Variants in RABEPK observed in about 807,000 individuals in gnomAD.
RABEPK encodes Rab9 effector protein with kelch motifs.
Under a neutral mutation model 34.1 loss-of-function variants are expected in RABEPK, and 27 were observed. That is an observed-to-expected ratio of 0.79 (90% CI 0.58 to 1.09). The LOEUF is 1.09. Ranked by LOEUF, RABEPK falls within the 50% of genes least tolerant of loss-of-function variation. RABEPK has a pLI of 0.00. For synonymous variants in RABEPK, 172 were observed against 169.2 expected (o/e 1.02, Z -0.13); for missense variants, 449 against 462.6 (o/e 0.97, Z 0.27).
At chr9:125,232,564 G>A in intron 6 of RABEPK, 32 bp from the exon 7 acceptor site, 1 of 1,596,544 alleles carries the variant, frequency 6.3e-7, no homozygotes, top group African/African-American at 1.3e-5. Context: ...CTTAGCCCAT[G>A]CTGCGCCAAA....
chr9:125,219,488 G>A (rs979215348), intron 4 of RABEPK, among the ~76,000 whole-genome samples: 1 of 151,924 alleles, frequency 6.6e-6, no homozygotes, highest in Non-Finnish European at 1.5e-5. Context: ...TCCGCCTCCT[G>A]GTTCAAGTGA....
rs371550154 is a variant in RABEPK, at chr9:125,205,183, C to G, written c.53+2117C>G. Among the ~76,000 whole-genome samples the G allele has an allele frequency of 1.2e-4, 18 of 152,256 alleles. No individual in the cohort carries two copies. In the East Asian group the frequency reaches 2.1e-3, roughly 18 times the overall value. Reference sequence around the variant, plus strand: ...CTCCAAATGGTGCTTCTTCAGGAAGCCTTCTCTGACCACCCTATCTCCCTG... The same window carrying G: ...CTCCAAATGGTGCTTCTTCAGGAAGGCTTCTCTGACCACCCTATCTCCCTG... On this transcript the variant is annotated intron_variant, in intron 2 of 7. Coordinates refer to ENST00000373538, the MANE Select transcript of RABEPK (RefSeq NM_005833.4).
intron 4 of RABEPK, among the ~76,000 whole-genome samples, chr9:125,214,964 A>G (rs888930203): frequency 6.6e-6 from 1 of 150,968 alleles, no homozygotes; most frequent in African/African-American, 2.4e-5. Flanking sequence ...CTAATTTTGT[A>G]TTTTTAGCAG....
At chr9:125,210,650 G>C (rs1207326016) in intron 3 of RABEPK, among the ~76,000 whole-genome samples, 2 of 147,050 alleles carry the variant, frequency 1.4e-5, no homozygotes, top group Admixed American at 6.9e-5. Flanking sequence ...AGAGGTTGCA[G>C]TGAGCCAAGA....
chr9:125,227,514 C>T (rs536175707), intron 5 of RABEPK, among the ~76,000 whole-genome samples: 24 of 151,928 alleles, frequency 1.6e-4, no homozygotes, highest in East Asian at 3.9e-4. Flanking sequence ...CTCCACCTCT[C>T]GGGTTCAAGC....
chr9:125,220,394 G>A, intron 4 of RABEPK, 145 bp from the exon 5 acceptor site: 1 of 1,469,094 alleles, frequency 6.8e-7, no homozygotes, highest in East Asian at 2.5e-5. Context: ...CTTCCTTGAT[G>A]TTTGTGAGTA....
chr9:125,214,518 T>C (rs2131389260), intron 4 of RABEPK, among the ~76,000 whole-genome samples: 2 of 152,218 alleles, frequency 1.3e-5, no homozygotes, highest in South Asian at 4.1e-4. Context: ...TGTTTGTTCG[T>C]TTTGTTTGTT....
chr9:125,225,035 C>T (rs540060296), intron 5 of RABEPK, among the ~76,000 whole-genome samples: 245 of 152,190 alleles, frequency 1.6e-3, no homozygotes, highest in African/African-American at 5.7e-3. Context: ...GGGAGGACCA[C>T]TTGAGCCTAG....
chr9:125,212,022 T>C (rs1830620245), intron 3 of RABEPK, among the ~76,000 whole-genome samples: 1 of 152,108 alleles, frequency 6.6e-6, no homozygotes, highest in South Asian at 2.1e-4. Flanking sequence ...CTCAATTACA[T>C]TAAATTAGTT....
intron 4 of RABEPK, among the ~76,000 whole-genome samples, chr9:125,214,829 T>G: frequency 6.6e-6 from 1 of 151,692 alleles, no homozygotes; most frequent in East Asian, 1.9e-4. Context: ...TCACTCTTGT[T>G]GCACAGGCTG....
chr9:125,209,260 G>A (rs892930218), intron 3 of RABEPK, among the ~76,000 whole-genome samples: 1 of 149,952 alleles, frequency 6.7e-6, no homozygotes, highest in Admixed American at 6.7e-5. Context: ...GGGGTTTCAC[G>A]ATGTTGATCA....
chr9:125,231,069 G>C (rs996804979), intron 6 of RABEPK, among the ~76,000 whole-genome samples: 3 of 151,908 alleles, frequency 2.0e-5, no homozygotes, highest in African/African-American at 7.2e-5. Context: ...TTGGGAGGCC[G>C]AGGTGGACGG....
chr9:125,232,253 G>C (rs372168327), intron 6 of RABEPK, among the ~76,000 whole-genome samples: 140 of 114,242 alleles, frequency 1.2e-3, no homozygotes, highest in Admixed American at 1.4e-3. Flanking sequence ...CACAGAGACA[G>C]AGAGAGAGAG....
rs1472314125 is a variant in RABEPK at position 125,207,722 on chromosome 9, G to A, written c.211+1G>A. ...TCAGACGTGCACACCATGGATCTGG[G>A]TAAGATCAGCAGCTGCAGAGTACAT... On this transcript the variant is annotated splice_donor_variant, in intron 3 of 7. Transcript: ENST00000373538. LOFTEE classifies it high-confidence loss of function. 2 of 1,614,108 alleles carry A rather than the reference G, an allele frequency of 1.2e-6. No individual in the cohort carries two copies. Among genetic ancestry groups the A allele is most frequent in the Non-Finnish European group, 1.7e-6 (2 of 1,179,952 alleles).
At chr9:125,230,120 C>T (rs185241992) in intron 6 of RABEPK, among the ~76,000 whole-genome samples, 2 of 152,148 alleles carry the variant, frequency 1.3e-5, no homozygotes, top group Non-Finnish European at 2.9e-5. Context: ...CGTGCTACAA[C>T]ACCCAGATAA....
intron 5 of RABEPK, chr9:125,222,371 A>G (rs1193876384): frequency 6.6e-6 from 1 of 152,042 alleles, no homozygotes; most frequent in Non-Finnish European, 1.5e-5. Context: ...CCAAAATTAA[A>G]TTACTGTTAA....
intron 5 of RABEPK, among the ~76,000 whole-genome samples, chr9:125,226,009 G>A (rs936519412): frequency 8.6e-5 from 13 of 151,526 alleles, no homozygotes; most frequent in Non-Finnish European, 1.6e-4. Flanking sequence ...ATTTAGCTGG[G>A]CGTGGTGGTG....
At position 125,225,787 on chromosome 9, in the gene RABEPK, C is replaced by T. The variant is rs142715660; in HGVS notation, c.527-2123C>T. On this transcript the variant is annotated intron_variant, in intron 5 of 7. Coordinates refer to ENST00000373538, the MANE Select transcript of RABEPK (RefSeq NM_005833.4). Reference sequence around the variant, plus strand: ...CATCCTGGCTAACACGGTGAAACCCCGTATCTACTAAAAAACATACAAAAA... The same window carrying T: ...CATCCTGGCTAACACGGTGAAACCCTGTATCTACTAAAAAACATACAAAAA... 7.4e-3 allele frequency among the ~76,000 whole-genome samples: 1,131 copies of T among 151,846 alleles called. 15 individuals are homozygous for T. Among genetic ancestry groups the T allele is most frequent in the African/African-American group, 0.026 (1,055 of 41,364 alleles).
At chr9:125,220,338 T>C (rs1831235597) in intron 4 of RABEPK, 7 of 1,445,162 alleles carry the variant, frequency 4.8e-6, no homozygotes, top group Non-Finnish European at 6.4e-6. Flanking sequence ...TTTTAAATCT[T>C]GGGGATTTTG....
Sources: allele counts gnomAD v4.1 joint callset (sites outside exome capture counted in the v4.1 genomes callset), GRCh38; gene constraint gnomAD v4.1.1; transcripts MANE v1.5; gene names NCBI Gene and HGNC (gene_info 2026-07-23, HGNC 2026-07-21).